CNTN4: variants seen among roughly 807,000 people sequenced by gnomAD.
The protein encoded by CNTN4 is contactin 4, also known as contactin-4.
In CNTN4, 77 loss-of-function variants were observed where a neutral mutation model predicts 122.5. The ratio of observed to expected loss-of-function variants is 0.63; its 90% CI spans 0.52 to 0.76. CNTN4 has a LOEUF of 0.76. CNTN4 is among the 30% of genes least tolerant of loss of function. The probability of loss-of-function intolerance (pLI) is 0.00; values close to 1 mark genes in which losing one functional copy is unlikely to be tolerated. For synonymous variants in CNTN4, 512 were observed against 447.0 expected, an observed-to-expected ratio of 1.15 and a Z score of -1.83; for missense variants, 1,256 against 1,259.1, an observed-to-expected ratio of 1.00 and a Z score of 0.04.
At chr3:2,824,730 C>T (rs1018832034) in intron 7 of CNTN4, among the ~76,000 whole-genome samples, 7 of 152,080 alleles carry the variant, frequency 4.6e-5, no homozygotes, top group Non-Finnish European at 8.8e-5. Context: ...GGCACAATCT[C>T]GGCTCACTGC....
chr3:2,502,289 A>G (rs771217497), intron 3 of CNTN4, among the ~76,000 whole-genome samples: 2 of 152,184 alleles, frequency 1.3e-5, no homozygotes, highest in Admixed American at 6.6e-5. Flanking sequence ...GAGTTTTACT[A>G]TCCACGTGTC....
intron 2 of CNTN4, among the ~76,000 whole-genome samples, chr3:2,172,805 A>T (rs2036574549): frequency 1.3e-5 from 2 of 152,216 alleles, no homozygotes; most frequent in South Asian, 4.1e-4. Flanking sequence ...AGCAAGAGGT[A>T]GTAAAAACCT....
intron 7 of CNTN4, among the ~76,000 whole-genome samples, chr3:2,832,964 A>G (rs1464376221): frequency 2.0e-5 from 3 of 151,520 alleles, no homozygotes; most frequent in Non-Finnish European, 4.4e-5. Context: ...AATGAATAAT[A>G]AAATAAGAAA....
Position 2,117,588 on chromosome 3 carries a change from A to G in CNTN4, c.-145+16949A>G, listed in dbSNP as rs148058542. ...TTATATCTTGGTCTTTATGGTGACC[A>G]GCCCCCATCCTGAAGCTACCCAGTA... On this transcript the variant is annotated intron_variant, in intron 2 of 24. Coordinates refer to ENST00000418658, the MANE Select transcript of CNTN4 (RefSeq NM_175607.3). 2.2e-3 allele frequency among the ~76,000 whole-genome samples: 339 copies of G among 152,316 alleles called. 2 individuals carry two copies. Among genetic ancestry groups the G allele is most frequent in the African/African-American group, 7.8e-3 (324 of 41,576 alleles).
At position 2,967,745 on chromosome 3, in the gene CNTN4, A is replaced by C. The variant is rs1692474502; in HGVS notation, c.1359-20600A>C. ...ATGATTAATCAGTAAGTTAGTGGTG[A>C]ATTCAGTAGAAACTGGTGTGTATAT... On this transcript the variant is annotated intron_variant, in intron 13 of 24. Coordinates refer to ENST00000418658, the MANE Select transcript of CNTN4 (RefSeq NM_175607.3). Among the ~76,000 whole-genome samples the C allele has an allele frequency of 3.3e-5, 5 of 152,318 alleles. No homozygotes were observed. The South Asian group carries it at 1.0e-3, about 32-fold the overall frequency.
At chr3:2,236,130 C>T (rs1011011662) in intron 2 of CNTN4, among the ~76,000 whole-genome samples, 1 of 152,120 alleles carries the variant, frequency 6.6e-6, no homozygotes, top group Non-Finnish European at 1.5e-5. Flanking sequence ...CACTGTGTAG[C>T]AGCAACATAA....
At chr3:2,785,562 A>G (rs2091778012) in intron 6 of CNTN4, among the ~76,000 whole-genome samples, 1 of 152,220 alleles carries the variant, frequency 6.6e-6, no homozygotes, top group Admixed American at 6.5e-5. Context: ...CCAAATTAAC[A>G]TATAAAACTA....
chr3:3,013,320 A>C (rs1048356948), intron 14 of CNTN4, among the ~76,000 whole-genome samples: 3 of 152,148 alleles, frequency 2.0e-5, no homozygotes, highest in Admixed American at 1.3e-4. Flanking sequence ...TTAGACACTA[A>C]ATTGAGTGTT....
At chr3:2,199,676 G>C (rs1002593844) in intron 2 of CNTN4, among the ~76,000 whole-genome samples, 1 of 152,174 alleles carries the variant, frequency 6.6e-6, no homozygotes, top group South Asian at 2.1e-4. Context: ...AGACACCGCT[G>C]TTCTCCTAGA....
chr3:2,907,980 T>C (rs1289884012), intron 12 of CNTN4, among the ~76,000 whole-genome samples: 1 of 152,202 alleles, frequency 6.6e-6, no homozygotes, highest in Non-Finnish European at 1.5e-5. Flanking sequence ...ACTATGACAA[T>C]TGGCAGTTTA....
At chr3:2,991,966 A>T (rs993841255) in intron 14 of CNTN4, among the ~76,000 whole-genome samples, 75 of 152,220 alleles carry the variant, frequency 4.9e-4, no homozygotes, top group African/African-American at 1.7e-3. Context: ...GGGCGTCAGA[A>T]CATATCTTTT....
At chr3:2,329,441 G>A (rs1037183366) in intron 2 of CNTN4, among the ~76,000 whole-genome samples, 5 of 152,112 alleles carry the variant, frequency 3.3e-5, no homozygotes, top group African/African-American at 4.8e-5. Flanking sequence ...TAGGATAAAC[G>A]CTCAACGAAG....
intron 12 of CNTN4, 141 bp from the exon 13 acceptor site, chr3:2,925,488 G>A: frequency 1.2e-6 from 1 of 801,712 alleles, no homozygotes; most frequent in Non-Finnish European, 2.0e-6. Flanking sequence ...GGGAGGCGGA[G>A]GTTGCAGTGA....
At chr3:2,784,078 T>A (rs561046568) in intron 6 of CNTN4, among the ~76,000 whole-genome samples, 1 of 152,340 alleles carries the variant, frequency 6.6e-6, no homozygotes, top group East Asian at 1.9e-4. Context: ...ATCTTTACTA[T>A]ATTACCTGCT....
At chr3:2,280,513 A>G (rs546913959) in intron 2 of CNTN4, among the ~76,000 whole-genome samples, 41 of 152,194 alleles carry the variant, frequency 2.7e-4, no homozygotes, top group Non-Finnish European at 5.0e-4. Context: ...ACAGTTAGTG[A>G]CAGACAGTCA....
intron 3 of CNTN4, among the ~76,000 whole-genome samples, chr3:2,465,355 GA>G (rs1310354268): frequency 1.3e-5 from 2 of 152,090 alleles, no homozygotes; most frequent in African/African-American, 4.8e-5. Context: ...TGAAAAATGT[GA>G]GTGATGCCTT....
In CNTN4 at chr3:2,103,070, A is replaced by C. The variant is rs531056713; in HGVS notation, c.-145+2431A>C. On this transcript the variant is annotated intron_variant, in intron 2 of 24. Transcript: ENST00000418658. ...TTCTAATATTATCTCTATTGTACAG[A>C]TGAGGAAAACTAGGCATAGAGAAAT... Among the ~76,000 whole-genome samples the C allele has an allele frequency of 6.6e-4, 100 of 152,278 alleles. No homozygotes were observed. The South Asian group carries it at 0.02, about 31-fold the overall frequency.
chr3:2,612,722 C>A (rs1275092737), intron 4 of CNTN4, among the ~76,000 whole-genome samples: 1 of 152,074 alleles, frequency 6.6e-6, no homozygotes, highest in African/African-American at 2.4e-5. Flanking sequence ...TTTAAAGAAA[C>A]CAACAAGCTT....
chr3:2,825,610 G>A (rs536500843), intron 7 of CNTN4, among the ~76,000 whole-genome samples: 1 of 152,114 alleles, frequency 6.6e-6, no homozygotes, highest in African/African-American at 2.4e-5. Flanking sequence ...GATTCCTTGA[G>A]CCTAGCAGTT....
Sources: gnomAD v4.1 joint callset for allele counts (sites outside exome capture counted in the v4.1 genomes callset) on GRCh38, gnomAD v4.1.1 for gene constraint, MANE v1.5 for transcripts, NCBI Gene and HGNC (gene_info 2026-07-23, HGNC 2026-07-21) for gene names.